NEXMIF: variants seen among roughly 807,000 people sequenced by gnomAD.
NEXMIF encodes neurite extension and migration factor.
NEXMIF carries 8 observed loss-of-function variants against 62.1 expected under a neutral mutation model. The ratio of observed to expected loss-of-function variants is 0.13; its 90% CI spans 0.08 to 0.23. The LOEUF (loss-of-function observed/expected upper bound fraction) is 0.23, where lower values mean the gene tolerates loss of function less well. Ranked by LOEUF, NEXMIF falls within the 10% of genes least tolerant of loss-of-function variation. The pLI is 1.00. For missense variants in NEXMIF, 976 were observed against 1,113.3 expected, an observed-to-expected ratio of 0.88 and a Z score of 1.75; for synonymous variants, 404 against 416.6, an observed-to-expected ratio of 0.97 and a Z score of 0.37.
intron 1 of NEXMIF, among the ~76,000 whole-genome samples, chrX:74,874,123 T>C (rs1175156349): frequency 9.2e-6 from 1 of 108,391 alleles, no homozygotes; most frequent in Non-Finnish European, 1.9e-5. Flanking sequence ...TTTATGGTTT[T>C]AGGTCTAACG....
intron 1 of NEXMIF, among the ~76,000 whole-genome samples, chrX:74,821,263 C>T (rs2080394668): frequency 1.8e-5 from 2 of 111,003 alleles, no homozygotes; most frequent in Admixed American, 9.6e-5. Flanking sequence ...TCTAACTACC[C>T]ATGACATAAA....
At chrX:74,829,916 T>A (rs1274702489) in intron 1 of NEXMIF, among the ~76,000 whole-genome samples, 1 of 111,979 alleles carries the variant, frequency 8.9e-6, no homozygotes, top group Non-Finnish European at 1.9e-5. Flanking sequence ...TTTTTTCCTA[T>A]GGAGTTGTTT....
At chrX:74,834,536 T>C (rs917609487) in intron 1 of NEXMIF, among the ~76,000 whole-genome samples, 1 of 111,757 alleles carries the variant, frequency 8.9e-6, no homozygotes, top group African/African-American at 3.3e-5. Flanking sequence ...AAGGTCTTTA[T>C]TTCTGCTTCA....
At position 74,744,092 on chromosome X, in the gene NEXMIF, A is replaced by C. The variant is rs2080117668; in HGVS notation, c.465T>G (p.Asp155Glu). 4.1e-6 allele frequency: 5 copies of C among 1,211,868 alleles called. No individual in the cohort carries two copies. Among genetic ancestry groups the C allele is most frequent in the Non-Finnish European group, 5.6e-6 (5 of 895,526 alleles). The change falls in exon 3 of 4, where the codon GAT (aspartate) becomes GAG (glutamate). Residue 155 changes from aspartate to glutamate, a missense_variant. Physicochemically the swap from Asp to Glu is conservative, Grantham distance 45. Coordinates refer to ENST00000055682, the MANE Select transcript of NEXMIF (RefSeq NM_001008537.3). Reference sequence around the variant, plus strand: ...TGATCCCTGGCTCAGGATCTACTGCATCCTTGGATTCCATGAAGCAGCCTA... The same window carrying C: ...TGATCCCTGGCTCAGGATCTACTGCCTCCTTGGATTCCATGAAGCAGCCTA... ...TCLGCFMESKDAVDPEPGISL... is the reference protein window; with the variant it reads ...TCLGCFMESKEAVDPEPGISL...
At chrX:74,758,452 A>G (rs1038342873) in intron 1 of NEXMIF, among the ~76,000 whole-genome samples, 6 of 111,549 alleles carry the variant, frequency 5.4e-5, no homozygotes, top group African/African-American at 2.0e-4. Flanking sequence ...ACATATGTAA[A>G]TTTGTTATAT....
At chrX:74,921,505 T>C (rs748639888) in intron 1 of NEXMIF, among the ~76,000 whole-genome samples, 20 of 112,130 alleles carry the variant, frequency 1.8e-4, no homozygotes, top group African/African-American at 5.8e-4. Flanking sequence ...CAAACTTGTC[T>C]GGTGCTCTTT....
intron 1 of NEXMIF, among the ~76,000 whole-genome samples, chrX:74,890,653 C>T: frequency 8.9e-6 from 1 of 111,770 alleles, no homozygotes; most frequent in Non-Finnish European, 1.9e-5. Flanking sequence ...GACAAATACA[C>T]CCTCCATGGC....
chrX:74,885,361 G>T (rs1172950616), intron 1 of NEXMIF, among the ~76,000 whole-genome samples: 1 of 111,392 alleles, frequency 9.0e-6, no homozygotes, highest in Non-Finnish European at 1.9e-5. Context: ...CCCTGGAGCT[G>T]GTTTTTTGAA....
intron 1 of NEXMIF, among the ~76,000 whole-genome samples, chrX:74,880,402 G>A (rs1263416924): frequency 8.9e-6 from 1 of 111,754 alleles, no homozygotes; most frequent in African/African-American, 3.3e-5. Flanking sequence ...GAAGAGGGAA[G>A]GAGGAAACTG....
intron 1 of NEXMIF, among the ~76,000 whole-genome samples, chrX:74,865,451 A>G (rs1252216826): frequency 8.9e-6 from 1 of 112,316 alleles, no homozygotes; most frequent in African/African-American, 3.2e-5. Context: ...CAAAAGGAAG[A>G]AGAGCATAAA....
rs2080084507 is a variant in NEXMIF at position 74,736,177 on chromosome X, A to C, written c.*3228T>G. On this transcript the variant is annotated 3_prime_UTR_variant, in exon 4 of 4. Coordinates refer to ENST00000055682, the MANE Select transcript of NEXMIF (RefSeq NM_001008537.3). ...TGTCCTTGTACCCCTACTCTATAAAAATTAAAAAAAATTTAATTAAAAAAT... is the reference window on the plus strand; with the variant it reads ...TGTCCTTGTACCCCTACTCTATAAACATTAAAAAAAATTTAATTAAAAAAT... 1 of 111,330 alleles carries C rather than the reference A, an allele frequency of 9.0e-6. No homozygotes were observed. The highest frequency in any genetic ancestry group is 1.9e-5 in the Non-Finnish European group (1 of 53,041). The allele number at this position is 111,330 out of a possible 1,213,427, so 9.2% of individuals were successfully genotyped here. A position where few individuals can be genotyped will look rare whatever the true frequency, so the allele number is the denominator to read the frequency against.
intron 1 of NEXMIF, among the ~76,000 whole-genome samples, chrX:74,784,156 C>T (rs1279313964): frequency 4.5e-5 from 5 of 111,565 alleles, no homozygotes; most frequent in Non-Finnish European, 9.4e-5. Flanking sequence ...GTATTAGTTA[C>T]CACGATTATA....
At chrX:74,760,925 C>A (rs186291275) in intron 1 of NEXMIF, among the ~76,000 whole-genome samples, 1 of 109,076 alleles carries the variant, frequency 9.2e-6, no homozygotes, top group Non-Finnish European at 1.9e-5. Flanking sequence ...TGGAGTGCAA[C>A]GGCAAAATCT....
chrX:74,791,087 C>T (rs1389831227), intron 1 of NEXMIF, among the ~76,000 whole-genome samples: 4 of 110,128 alleles, frequency 3.6e-5, no homozygotes, highest in African/African-American at 9.9e-5. Flanking sequence ...AGTTTTTGCC[C>T]ATTCAGTATG....
At chrX:74,867,485 T>C (rs1215314798) in intron 1 of NEXMIF, among the ~76,000 whole-genome samples, 2 of 111,294 alleles carry the variant, frequency 1.8e-5, no homozygotes, top group African/African-American at 3.3e-5. Context: ...AGACCACACA[T>C]CTACAACCAT....
chrX:74,801,204 A>G (rs1181959354), intron 1 of NEXMIF, among the ~76,000 whole-genome samples: 1 of 111,896 alleles, frequency 8.9e-6, no homozygotes, highest in East Asian at 2.8e-4. Flanking sequence ...ATAACAGTGT[A>G]TTTATCAATT....
At chrX:74,849,616 T>C (rs920240699) in intron 1 of NEXMIF, among the ~76,000 whole-genome samples, 1 of 112,645 alleles carries the variant, frequency 8.9e-6, no homozygotes, top group Non-Finnish European at 1.9e-5. Flanking sequence ...GCCTTGCATC[T>C]CCACATCCCT....
At chrX:74,751,900 A>G (rs1182569747) in intron 1 of NEXMIF, among the ~76,000 whole-genome samples, 1 of 103,758 alleles carries the variant, frequency 9.6e-6, no homozygotes, top group East Asian at 3.0e-4. Flanking sequence ...GGAGTGCAAC[A>G]GCGCGATCTT....
intron 1 of NEXMIF, among the ~76,000 whole-genome samples, chrX:74,884,075 T>A (rs1023592878): frequency 1.8e-5 from 2 of 111,288 alleles, no homozygotes; most frequent in South Asian, 3.8e-4. Context: ...GAAATAAAAT[T>A]CTTTACAGAC....
Sources: allele counts gnomAD v4.1 joint callset (sites outside exome capture counted in the v4.1 genomes callset), GRCh38; gene constraint gnomAD v4.1.1; transcripts MANE v1.5; gene names NCBI Gene and HGNC (gene_info 2026-07-23, HGNC 2026-07-21).